TAFA2: variants seen among roughly 807,000 people sequenced by gnomAD.
TAFA2 encodes the protein chemokine-like protein TAFA-2.
In TAFA2, 7 loss-of-function variants were observed where a neutral mutation model predicts 18.8. That is an observed-to-expected ratio of 0.37 (90% confidence interval 0.21 to 0.70). The LOEUF (loss-of-function observed/expected upper bound fraction) is 0.70. TAFA2 is among the 30% of genes least tolerant of loss of function. The pLI is 0.53. For synonymous variants in TAFA2, 60 were observed against 54.2 expected (o/e 1.11, Z -0.47); for missense variants, 122 against 158.1 (o/e 0.77, Z 1.23).
At chr12:61,911,828 A>G (rs537541577) in intron 1 of TAFA2, among the ~76,000 whole-genome samples, 1 of 152,332 alleles carries the variant, frequency 6.6e-6, no homozygotes, top group East Asian at 1.9e-4. Context: ...AACAAGAATC[A>G]AGGGTCAGAT....
At chr12:61,972,918 G>C (rs1879299973) in intron 1 of TAFA2, among the ~76,000 whole-genome samples, 1 of 151,602 alleles carries the variant, frequency 6.6e-6, no homozygotes, top group African/African-American at 2.4e-5. Context: ...AAAAACTGGT[G>C]ATCTAAGTTG....
At position 62,143,275 on chromosome 12, in the gene TAFA2, C is replaced by T. The variant is rs137871599; in HGVS notation, c.-2+47984G>A. On this transcript the variant is annotated intron_variant, in intron 1 of 4. Transcript: ENST00000416284. ...CCCTAAAAATGCTAACCCCCTTCAG[C>T]AGAAGAATCCCCCATGGATGAGTAG... Among the ~76,000 whole-genome samples the T allele has an allele frequency of 1.3e-4, 20 of 152,286 alleles. No individual in the cohort carries two copies. The East Asian group carries it at 3.7e-3, about 28-fold the overall frequency.
At position 61,880,411 on chromosome 12, in the gene TAFA2, C is replaced by G. The variant is rs114695353; in HGVS notation, c.-1-12985G>C. 2,478 of 537,624 alleles carry G rather than the reference C, an allele frequency of 4.6e-3. 53 individuals are homozygous for G. Among genetic ancestry groups the G allele is most frequent in the African/African-American group, 0.042 (2,179 of 52,132 alleles). The allele number at this position is 537,624 out of a possible 1,614,324, so 33.3% of individuals were successfully genotyped here. On this transcript the variant is annotated intron_variant, in intron 1 of 4. Coordinates refer to ENST00000416284, the MANE Select transcript of TAFA2 (RefSeq NM_178539.5). The stretch of plus-strand genomic sequence containing the variant: ...AGCTGGAGGCCGCCCTGCAGTGGGC[C>G]AAGCAGGACATGGCACAGCAGCTGC...
chr12:62,247,864 G>A (rs2062894387), intron 1 of TAFA2, among the ~76,000 whole-genome samples: 1 of 152,132 alleles, frequency 6.6e-6, no homozygotes, highest in African/African-American at 2.4e-5. Context: ...CAACTTTATT[G>A]TTCAGAGAAA....
intron 1 of TAFA2, among the ~76,000 whole-genome samples, chr12:61,963,268 T>A (rs1384551790): frequency 1.3e-5 from 2 of 152,034 alleles, no homozygotes; most frequent in Admixed American, 6.6e-5. Flanking sequence ...CAACCAGTAT[T>A]TCTGGTTCTG....
chr12:61,849,487 T>G (rs943956047), intron 2 of TAFA2, among the ~76,000 whole-genome samples: 2 of 152,226 alleles, frequency 1.3e-5, no homozygotes, highest in Admixed American at 1.3e-4. Context: ...TCTTGCTTAT[T>G]TATTTTCATA....
chr12:61,741,364 C>T (rs1868439294), intron 4 of TAFA2, among the ~76,000 whole-genome samples: 1 of 151,380 alleles, frequency 6.6e-6, no homozygotes, highest in Non-Finnish European at 1.5e-5. Flanking sequence ...CACACACACA[C>T]ATATATATGT....
intron 1 of TAFA2, among the ~76,000 whole-genome samples, chr12:62,151,772 G>T (rs2062330042): frequency 6.6e-6 from 1 of 152,142 alleles, no homozygotes; most frequent in African/African-American, 2.4e-5. Context: ...TAGTCCAACA[G>T]GGCTTCTAAG....
intron 1 of TAFA2, among the ~76,000 whole-genome samples, chr12:62,094,264 T>C (rs1266179788): frequency 6.6e-6 from 1 of 152,036 alleles, no homozygotes; most frequent in Non-Finnish European, 1.5e-5. Flanking sequence ...TTCTCACTTA[T>C]AAGTGGGAGC....
At chr12:62,129,827 A>G (rs947512479) in intron 1 of TAFA2, among the ~76,000 whole-genome samples, 1 of 151,962 alleles carries the variant, frequency 6.6e-6, no homozygotes, top group South Asian at 2.1e-4. Context: ...AGGCATTACC[A>G]AATGTCCGCT....
chr12:61,889,202 T>A (rs1875522574), intron 1 of TAFA2, among the ~76,000 whole-genome samples: 1 of 152,224 alleles, frequency 6.6e-6, no homozygotes, highest in Non-Finnish European at 1.5e-5. Flanking sequence ...TTATGTACTT[T>A]CTGTTGTCTC....
chr12:62,112,588 G>A (rs942410034), intron 1 of TAFA2, among the ~76,000 whole-genome samples: 4 of 152,056 alleles, frequency 2.6e-5, no homozygotes, highest in South Asian at 2.1e-4. Context: ...TTCCAACTTG[G>A]TTCCCTTCTC....
chr12:61,740,870 C>G (rs536078718), intron 4 of TAFA2, among the ~76,000 whole-genome samples: 1 of 146,856 alleles, frequency 6.8e-6, no homozygotes, highest in South Asian at 2.2e-4. Context: ...AAAAAAAATG[C>G]CATAATACTG....
chr12:62,138,182 G>A (rs1013994468), intron 1 of TAFA2, among the ~76,000 whole-genome samples: 3 of 152,086 alleles, frequency 2.0e-5, no homozygotes, highest in African/African-American at 4.8e-5. Context: ...TACTTGAAAG[G>A]ATGAGGCAAG....
chr12:62,003,361 G>T (rs1880443343), intron 1 of TAFA2, among the ~76,000 whole-genome samples: 2 of 152,136 alleles, frequency 1.3e-5, no homozygotes, highest in African/African-American at 4.8e-5. Flanking sequence ...AATCCAGGAA[G>T]TTAAACTGGG....
intron 1 of TAFA2, among the ~76,000 whole-genome samples, chr12:61,988,985 A>G (rs1388517288): frequency 6.6e-6 from 1 of 152,238 alleles, no homozygotes; most frequent in Non-Finnish European, 1.5e-5. Flanking sequence ...GTTTTACCAA[A>G]AATGAAAATA....
intron 1 of TAFA2, among the ~76,000 whole-genome samples, chr12:61,994,153 ACCC>A (rs1382129755): frequency 6.6e-6 from 1 of 151,016 alleles, no homozygotes. Flanking sequence ...AACCTTTTCC[ACCC>A]CCCACTTTAA....
At chr12:62,105,473 G>A (rs1424752150) in intron 1 of TAFA2, among the ~76,000 whole-genome samples, 1 of 152,126 alleles carries the variant, frequency 6.6e-6, no homozygotes, top group African/African-American at 2.4e-5. Context: ...ATTATCTATA[G>A]TATCATTAGC....
intron 2 of TAFA2, among the ~76,000 whole-genome samples, chr12:61,814,039 A>T (rs1871979475): frequency 6.6e-6 from 1 of 151,514 alleles, no homozygotes; most frequent in Non-Finnish European, 1.5e-5. Context: ...CATTCGAGAA[A>T]AGGCACACAC....
Sources: gnomAD v4.1 joint callset for allele counts (sites outside exome capture counted in the v4.1 genomes callset) on GRCh38, gnomAD v4.1.1 for gene constraint, MANE v1.5 for transcripts, NCBI Gene and HGNC (gene_info 2026-07-23, HGNC 2026-07-21) for gene names.